INPP5D: variants seen among roughly 807,000 people sequenced by gnomAD.
INPP5D encodes phosphatidylinositol 3,4,5-trisphosphate 5-phosphatase 1.
Under a neutral mutation model 122.9 loss-of-function variants are expected in INPP5D, and 33 were observed. That is an observed-to-expected ratio of 0.27 (90% CI 0.20 to 0.36). INPP5D has a LOEUF of 0.36. Among genes scored for constraint, INPP5D ranks in the 10% least tolerant of loss-of-function variants. The pLI, the probability that INPP5D is intolerant of heterozygous loss-of-function variation, is 1.00. For missense variants in INPP5D, 1,053 were observed against 1,412.7 expected (o/e 0.75, Z 4.08); for synonymous variants, 584 against 576.2 (o/e 1.01, Z -0.19).
chr2:233,108,128 C>T (rs1333896014), intron 2 of INPP5D, among the ~76,000 whole-genome samples: 7 of 152,138 alleles, frequency 4.6e-5, no homozygotes, highest in Admixed American at 1.3e-4. Flanking sequence ...TTCACACCAC[C>T]CTACCCACCC....
chr2:233,155,905 C>T (rs1013424776), intron 9 of INPP5D, among the ~76,000 whole-genome samples: 6 of 152,152 alleles, frequency 3.9e-5, no homozygotes, highest in East Asian at 1.9e-4. Flanking sequence ...AGATAGATTA[C>T]GCCCTGTGTC....
At chr2:233,203,811 CCAGCTACTCCCAAGTAGTCT>C (rs551746431) in intron 25 of INPP5D, among the ~76,000 whole-genome samples, 1,732 of 152,150 alleles carry the variant, frequency 0.011, 19 homozygotes, top group Non-Finnish European at 0.018. Context: ...CTAGCTACTC[CCAGCTACTCCCAAGTAGTCT>C]CAGCTACTTG....
At chr2:233,063,064 T>C (rs552379576) in intron 1 of INPP5D, among the ~76,000 whole-genome samples, 2 of 151,388 alleles carry the variant, frequency 1.3e-5, no homozygotes, top group East Asian at 1.9e-4. Flanking sequence ...TAGTTTTCTG[T>C]GTTCCCTGCA....
intron 2 of INPP5D, among the ~76,000 whole-genome samples, chr2:233,090,644 A>T (rs571630710): frequency 5.3e-5 from 8 of 152,306 alleles, no homozygotes; most frequent in African/African-American, 1.7e-4. Flanking sequence ...GAGAAAACGG[A>T]CATTCCAACA....
At chr2:233,063,018 A>G (rs930153439) in intron 1 of INPP5D, among the ~76,000 whole-genome samples, 1 of 151,094 alleles carries the variant, frequency 6.6e-6, no homozygotes. Flanking sequence ...TAAAGCAAAG[A>G]GATTGAACTT....
Position 233,170,375 on chromosome 2 carries a change from C to A in INPP5D, c.1792-121C>A. 6.6e-7 allele frequency: 1 copy of A among 1,506,278 alleles called. No homozygotes were observed. Among genetic ancestry groups the A allele is most frequent in the African/African-American group, 1.4e-5 (1 of 72,464 alleles). The allele number at this position is 1,506,278 out of a possible 1,614,324, so 93.3% of individuals were successfully genotyped here. A position where few individuals can be genotyped will look rare whatever the true frequency, so the allele number is the denominator to read the frequency against. ...CACCCGGTTCCCATAACTGTCACAG[C>A]CACCCTGCCACCATCACTCTGCAGC... On this transcript the variant is annotated intron_variant, in intron 15 of 26. Transcript: ENST00000445964. The surrounding 1 kb of genome is among the most constrained non-coding windows in gnomAD (Gnocchi z 4.5).
At chr2:233,148,509 G>A (rs989669156) in intron 9 of INPP5D, among the ~76,000 whole-genome samples, 2 of 152,162 alleles carry the variant, frequency 1.3e-5, no homozygotes, top group Non-Finnish European at 2.9e-5. Context: ...ATGTGCAAAC[G>A]CTGGGAGATG....
intron 2 of INPP5D, among the ~76,000 whole-genome samples, chr2:233,099,974 C>G (rs1306999910): frequency 6.6e-6 from 1 of 152,192 alleles, no homozygotes; most frequent in East Asian, 1.9e-4. Context: ...CAGTCAAACT[C>G]CCATTTCTAA....
intron 2 of INPP5D, among the ~76,000 whole-genome samples, chr2:233,086,426 G>T (rs1277163942): frequency 6.6e-6 from 1 of 151,952 alleles, no homozygotes; most frequent in Admixed American, 6.6e-5. Flanking sequence ...TAATCTGCTC[G>T]CCTTGGCCTC....
At chr2:233,118,384 C>A (rs1364314545) in intron 2 of INPP5D, among the ~76,000 whole-genome samples, 7 of 152,188 alleles carry the variant, frequency 4.6e-5, no homozygotes. Flanking sequence ...TCACCACCCA[C>A]CCGTCTAGAC....
At position 233,204,412 on chromosome 2, in the gene INPP5D, T is replaced by G. The variant is rs748242034; in HGVS notation, c.3262T>G (p.Cys1088Gly). Reference sequence around the variant, plus strand: ...CGCGCCCCGGCTGCGCTCCTTCACGTGCTCATCCTCTGCCGAGGGCAGGGC... The same window carrying G: ...CGCGCCCCGGCTGCGCTCCTTCACGGGCTCATCCTCTGCCGAGGGCAGGGC... ...VPAPRLRSFT[C>G]SSSAEGRAAG... is the part of the protein sequence containing the mutation. The change falls in exon 26 of 27, where the codon TGC becomes GGC. Residue 1088 changes from cysteine (C) to glycine (G), a missense_variant. Around this residue, in one of 6 missense-constraint regions of INPP5D, gnomAD observed 417 missense variants for 425.8 expected, o/e 0.98. Coordinates refer to ENST00000445964, the MANE Select transcript of INPP5D (RefSeq NM_001017915.3). 1.2e-6 allele frequency: 2 copies of G among 1,610,094 alleles called. No homozygotes were observed. The highest frequency in any genetic ancestry group is 1.7e-6 in the Non-Finnish European group (2 of 1,178,848).
intron 1 of INPP5D, among the ~76,000 whole-genome samples, chr2:233,061,482 C>T (rs1239857789): frequency 6.6e-6 from 1 of 152,078 alleles, no homozygotes; most frequent in Non-Finnish European, 1.5e-5. Context: ...GGAGTGTAGT[C>T]AGGGAAATGT....
intron 6 of INPP5D, among the ~76,000 whole-genome samples, chr2:233,143,927 T>A (rs1225005190): frequency 6.7e-6 from 1 of 148,804 alleles, no homozygotes; most frequent in African/African-American, 2.5e-5. Flanking sequence ...GTAGGAATGG[T>A]GAGGGTGGAG....
intron 2 of INPP5D, among the ~76,000 whole-genome samples, chr2:233,091,785 G>A (rs1692001305): frequency 6.6e-6 from 1 of 152,084 alleles, no homozygotes; most frequent in Non-Finnish European, 1.5e-5. Flanking sequence ...TTTTTCTACC[G>A]CAGCAACTAT....
At chr2:233,064,295 C>T (rs1216606265) in intron 1 of INPP5D, among the ~76,000 whole-genome samples, 2 of 152,242 alleles carry the variant, frequency 1.3e-5, no homozygotes, top group Non-Finnish European at 2.9e-5. Flanking sequence ...TGGCTCAGAA[C>T]CCAGTGCCTG....
chr2:233,181,554 A>G (rs1694783968), intron 18 of INPP5D, among the ~76,000 whole-genome samples: 1 of 152,162 alleles, frequency 6.6e-6, no homozygotes, highest in Non-Finnish European at 1.5e-5. Flanking sequence ...GGCATCTCCA[A>G]CGGGCTATCT....
intron 18 of INPP5D, among the ~76,000 whole-genome samples, chr2:233,181,683 C>T (rs957623879): frequency 6.6e-6 from 1 of 152,198 alleles, no homozygotes; most frequent in Non-Finnish European, 1.5e-5. Flanking sequence ...ACTTAGCGTC[C>T]TCCACTCTCT....
intron 2 of INPP5D, among the ~76,000 whole-genome samples, chr2:233,107,167 C>T (rs1429611784): frequency 1.3e-5 from 2 of 152,108 alleles, no homozygotes; most frequent in African/African-American, 4.8e-5. Flanking sequence ...TGAGGGTTTC[C>T]CCAGCAGAGG....
chr2:233,111,285 A>G (rs1222154504), intron 2 of INPP5D, among the ~76,000 whole-genome samples: 1 of 152,146 alleles, frequency 6.6e-6, no homozygotes, highest in East Asian at 1.9e-4. Context: ...AAATGTTTTT[A>G]GTAGTCTCAA....
Sources: allele counts gnomAD v4.1 joint callset (sites outside exome capture counted in the v4.1 genomes callset), GRCh38; gene constraint gnomAD v4.1.1; regional missense constraint gnomAD v4.1.1; non-coding constraint Gnocchi (gnomAD v3.1); transcripts MANE v1.5; gene names NCBI Gene and HGNC (gene_info 2026-07-23, HGNC 2026-07-21).